Variants in ATP10A observed in about 807,000 individuals in gnomAD.
ATP10A encodes the protein phospholipid-transporting ATPase VA.
In ATP10A, 111 loss-of-function variants were observed where a neutral mutation model predicts 147.8. That is an observed-to-expected ratio of 0.75 (90% CI 0.64 to 0.88). The LOEUF is 0.88. ATP10A is among the 40% of genes least tolerant of loss of function. The pLI, the probability that ATP10A is intolerant of heterozygous loss-of-function variation, is 0.00. For missense variants in ATP10A, 1,927 were observed against 1,959.0 expected (o/e 0.98, Z 0.31); for synonymous variants, 875 against 841.6 (o/e 1.04, Z -0.69).
rs544779566 is a variant in ATP10A, at chr15:25,837,662, T to G, written c.449+24986A>C. Among the ~76,000 whole-genome samples the G allele has an allele frequency of 5.8e-4, 89 of 152,300 alleles. 1 individual carries two copies. In the South Asian group the frequency reaches 0.016, roughly 27 times the overall value. ...CCCTCAGAGGATTTCCCATCTAACA[T>G]GAACGAGCGCCACTGGGTAATGGAC... On this transcript the variant is annotated intron_variant, in intron 1 of 20. Transcript: ENST00000555815.
rs74003897 is a variant in ATP10A, at chr15:25,792,444, C to G, written c.450-11221G>C. 3.6e-3 allele frequency among the ~76,000 whole-genome samples: 553 copies of G among 152,216 alleles called. 3 individuals are homozygous for G. The highest frequency in any genetic ancestry group is 0.013 in the African/African-American group (531 of 41,540). ...CCCATAGCCACCAGGAGGGCTTAGG[C>G]GGGATGCCCCAAAGCCTCAACAAAC... On this transcript the variant is annotated intron_variant, in intron 1 of 20. Transcript: ENST00000555815.
chr15:25,823,107 C>CA (rs1353421031), intron 1 of ATP10A, among the ~76,000 whole-genome samples: 1 of 151,854 alleles, frequency 6.6e-6, no homozygotes, highest in African/African-American at 2.4e-5. Context: ...AAAAAAATCT[C>CA]AAGAGTGAAA....
At chr15:25,831,261 C>T (rs984213994) in intron 1 of ATP10A, among the ~76,000 whole-genome samples, 4 of 152,202 alleles carry the variant, frequency 2.6e-5, no homozygotes, top group East Asian at 1.9e-4. Flanking sequence ...ATTCTCTCCC[C>T]GCTGCAATTA....
intron 12 of ATP10A, among the ~76,000 whole-genome samples, chr15:25,705,440 C>CAACAAAAAAAAAACAAAAAAAAAA (rs1900919448): frequency 1.2e-5 from 1 of 86,222 alleles, no homozygotes; most frequent in African/African-American, 5.0e-5. Context: ...TGTCTCAAAG[C>CAACAAAAAAAAAACAAAAAAAAAA]AAAAAAAAAA....
At chr15:25,811,191 A>G (rs1280243354) in intron 1 of ATP10A, among the ~76,000 whole-genome samples, 2 of 152,216 alleles carry the variant, frequency 1.3e-5, no homozygotes, top group African/African-American at 2.4e-5. Flanking sequence ...ATCCAGGGGC[A>G]CTGCCCGGAC....
At chr15:25,839,509 A>G (rs569129717) in intron 1 of ATP10A, among the ~76,000 whole-genome samples, 3 of 152,046 alleles carry the variant, frequency 2.0e-5, no homozygotes, top group South Asian at 2.1e-4. Flanking sequence ...TGCTGGAAAG[A>G]GGGTAAATCT....
chr15:25,695,245 T>C, intron 13 of ATP10A, 99 bp from the exon 14 acceptor site: 3 of 1,215,120 alleles, frequency 2.5e-6, no homozygotes, highest in African/African-American at 1.5e-5. Flanking sequence ...CCTTCCGGGC[T>C]CCAGGCTGCA....
chr15:25,789,936 T>C (rs1205319857), intron 1 of ATP10A, among the ~76,000 whole-genome samples: 3 of 152,078 alleles, frequency 2.0e-5, no homozygotes, highest in Non-Finnish European at 4.4e-5. Context: ...TCGCTCCCGG[T>C]TGAGAAATGC....
intron 1 of ATP10A, among the ~76,000 whole-genome samples, chr15:25,846,894 G>T (rs1338962815): frequency 6.6e-6 from 1 of 152,092 alleles, no homozygotes; most frequent in Non-Finnish European, 1.5e-5. Flanking sequence ...TGCATTACAT[G>T]CCGGTAATTT....
intron 2 of ATP10A, chr15:25,738,581 T>C (rs889933378): frequency 6.6e-6 from 1 of 152,210 alleles, no homozygotes; most frequent in Non-Finnish European, 1.5e-5. Context: ...AGTACTTGGA[T>C]GGGAGACACA....
intron 2 of ATP10A, among the ~76,000 whole-genome samples, chr15:25,757,193 G>A (rs924349045): frequency 6.6e-6 from 1 of 152,098 alleles, no homozygotes; most frequent in Non-Finnish European, 1.5e-5. Context: ...TTTTTATATG[G>A]TAGAGAGTAG....
chr15:25,754,890 G>A (rs781588503), intron 2 of ATP10A, among the ~76,000 whole-genome samples: 13 of 152,264 alleles, frequency 8.5e-5, no homozygotes, highest in African/African-American at 3.1e-4. Context: ...TAGGCAGAGG[G>A]AATGGGATTC....
intron 1 of ATP10A, among the ~76,000 whole-genome samples, chr15:25,793,512 A>G (rs1890529523): frequency 2.0e-5 from 3 of 152,154 alleles, no homozygotes; most frequent in Admixed American, 6.5e-5. Context: ...CTGAGTGATT[A>G]TAAGTAGTTC....
At chr15:25,839,880 C>T (rs778865934) in intron 1 of ATP10A, among the ~76,000 whole-genome samples, 5 of 152,256 alleles carry the variant, frequency 3.3e-5, no homozygotes, top group East Asian at 1.9e-4. Flanking sequence ...TTGGTACAGC[C>T]GACAAAGCTT....
At position 25,695,031 on chromosome 15, in the gene ATP10A, G is replaced by T. The variant is rs571308575; in HGVS notation, c.2876C>A (p.Pro959Gln). 2 of 1,614,172 alleles carry T rather than the reference G, an allele frequency of 1.2e-6. No homozygotes were observed. The highest frequency in any genetic ancestry group is 4.5e-5 in the East Asian group (2 of 44,854). The change falls in exon 14 of 21, where the codon CCA (proline) becomes CAA (glutamine). Residue 959 changes from proline to glutamine, a missense_variant. By Grantham distance (76) the Pro-to-Gln change is moderately conservative (BLOSUM62 -1). Transcript: ENST00000555815. ...KVSMRFSSLC[P>Q]PSTSTASGRR... ...GCCAGAGGCAGTGGACGTGGAGGGT[G>T]GGCAGAGAGAGGAGAACCTCATGCT... is the stretch of plus-strand genomic sequence containing the variant.
intron 1 of ATP10A, among the ~76,000 whole-genome samples, chr15:25,847,371 T>TTA (rs1234798385): frequency 6.6e-6 from 1 of 152,116 alleles, no homozygotes; most frequent in Non-Finnish European, 1.5e-5. Flanking sequence ...AATGAAGAAT[T>TTA]TATAAGCTCT....
At chr15:25,709,362 T>C (rs1336967277) in intron 10 of ATP10A, 1 of 152,224 alleles carries the variant, frequency 6.6e-6, no homozygotes, top group African/African-American at 2.4e-5. Context: ...TCTTAGAAGA[T>C]GCAGATAACC....
intron 12 of ATP10A, among the ~76,000 whole-genome samples, chr15:25,703,116 G>C (rs1349493208): frequency 2.0e-5 from 3 of 152,352 alleles, no homozygotes; most frequent in Non-Finnish European, 2.9e-5. Context: ...CCAGCACTTC[G>C]GGAGGCCGTG....
In ATP10A at chr15:25,781,077, T is replaced by G. The variant is rs762118896; in HGVS notation, c.596A>C (p.Asn199Thr). ...PDGLCHIETA[N>T]LDGETNLKRR... The stretch of plus-strand genomic sequence containing the variant: ...CTTCAGGTTGGTCTCTCCATCCAGG[T>G]TGGCGGTCTCGATGTGGCATAGCCC... Residue 199 changes from asparagine (N) to threonine (T), a missense_variant, in exon 2 of 21, where the codon AAC (asparagine) becomes ACC (threonine). Physicochemically the swap from Asn to Thr is moderately conservative, Grantham distance 65. Transcript: ENST00000555815. 2 of 1,614,036 alleles carry G rather than the reference T, an allele frequency of 1.2e-6. No homozygotes were observed. The highest frequency in any genetic ancestry group is 1.7e-6 in the Non-Finnish European group (2 of 1,180,026).
Sources: allele counts gnomAD v4.1 joint callset (sites outside exome capture counted in the v4.1 genomes callset), GRCh38; gene constraint gnomAD v4.1.1; transcripts MANE v1.5; gene names NCBI Gene and HGNC (gene_info 2026-07-23, HGNC 2026-07-21).